The following MYO18A variants were observed in gnomAD, a reference collection of about 807,000 sequenced individuals.
MYO18A encodes the protein unconventional myosin-XVIIIa.
Under a neutral mutation model 235.8 loss-of-function variants are expected in MYO18A, and 78 were observed. That is an observed-to-expected ratio of 0.33 (90% CI 0.28 to 0.40). The LOEUF (loss-of-function observed/expected upper bound fraction) is 0.40. Ranked by LOEUF, MYO18A falls within the 10% of genes least tolerant of loss-of-function variation. The probability of loss-of-function intolerance (pLI) is 1.00; values close to 1 mark genes in which losing one functional copy is unlikely to be tolerated. For missense variants in MYO18A, 2,215 were observed against 2,699.3 expected (o/e 0.82, Z 3.98); for synonymous variants, 977 against 1,077.8 (o/e 0.91, Z 1.83).
intron 2 of MYO18A, among the ~76,000 whole-genome samples, chr17:29,136,250 A>AAAAAAAAAAAAATATAT (rs1483354837): frequency 1.2e-5 from 1 of 82,472 alleles, no homozygotes; most frequent in African/African-American, 4.6e-5. Flanking sequence ...AAAAAAAAAA[A>AAAAAAAAAAAAATATAT]ATATATATAT....
Position 29,111,670 on chromosome 17 carries a change from C to G in MYO18A, c.2740+52G>C. ...CCTCCCAGGGAGTGCCACCTGGACC[C>G]ACCTGTATGTAAGAGGAAGCAGAGG... On this transcript the variant is annotated intron_variant, in intron 16 of 41. Coordinates refer to ENST00000527372, the MANE Select transcript of MYO18A (RefSeq NM_078471.4). The surrounding 1 kb of genome is among the most constrained non-coding windows in gnomAD (Gnocchi z 5.1). The G allele has an allele frequency of 6.2e-7, 1 of 1,612,246 alleles. No homozygotes were observed. The highest frequency in any genetic ancestry group is 2.2e-5 in the East Asian group (1 of 44,838).
rs929675510 is a variant in MYO18A, at chr17:29,144,934, GGTATA to G, written c.999+21003_999+21007del. Among the ~76,000 whole-genome samples the G allele has an allele frequency of 5.3e-5, 8 of 152,202 alleles. No individual in the cohort carries two copies. In the East Asian group the frequency reaches 9.6e-4, roughly 18 times the overall value. ...ACACATGATTTTGAGTATGCCATTT[GGTATA>G]ATATAGCTGCAGGAAAGCATAATAG... is the stretch of plus-strand genomic sequence containing the variant. On this transcript the variant is annotated intron_variant, in intron 2 of 41. Coordinates refer to ENST00000527372, the MANE Select transcript of MYO18A (RefSeq NM_078471.4).
Position 29,118,980 on chromosome 17 carries a change from G to A in MYO18A, c.1829+355C>T, listed in dbSNP as rs1218957654. The stretch of plus-strand genomic sequence containing the variant: ...TCAGCCCCCTACCAGTCATGCGACA[G>A]TAGGCAAGTCCCCAACCACTGGTAC... On this transcript the variant is annotated intron_variant, in intron 8 of 41. Transcript: ENST00000527372. This position sits in a 1 kb window ranked among gnomAD's most constrained non-coding sequence, Gnocchi z 4.2. 6.6e-6 allele frequency among the ~76,000 whole-genome samples: 1 copy of A among 152,212 alleles called. No homozygotes were observed. Among genetic ancestry groups the A allele is most frequent in the Non-Finnish European group, 1.5e-5 (1 of 68,032 alleles).
intron 21 of MYO18A, among the ~76,000 whole-genome samples, chr17:29,100,394 C>A (rs1019763510): frequency 7.2e-5 from 11 of 152,232 alleles, no homozygotes; most frequent in Admixed American, 7.2e-4. Flanking sequence ...TGCCACCCCC[C>A]AACACACACC....
chr17:29,098,234 G>C lies in MYO18A; in HGVS notation c.3871-10C>G, dbSNP rs868050861. On this transcript the variant is annotated splice_polypyrimidine_tract_variant and intron_variant, in intron 24 of 41. Transcript: ENST00000527372. ...ATGTCAGCTCTGAGATCTGGGGTTG[G>C]GGGTAGGGAGTCACCACCAGTTGAA... 4 of 1,613,852 alleles carry C rather than the reference G, an allele frequency of 2.5e-6. No individual in the cohort carries two copies. The East Asian group carries it at 6.7e-5, about 27-fold the overall frequency.
chr17:29,074,611 C>A lies in MYO18A; in HGVS notation c.*159G>T, dbSNP rs946243486. The A allele has an allele frequency of 1.2e-5, 9 of 746,654 alleles. 1 individual carries two copies. The Admixed American group carries it at 2.4e-4, about 20-fold the overall frequency. The allele number at this position is 746,654 out of a possible 1,614,324, so 46.3% of individuals were successfully genotyped here. A position where few individuals can be genotyped will look rare whatever the true frequency, so the allele number is the denominator to read the frequency against. On this transcript the variant is annotated 3_prime_UTR_variant, in exon 42 of 42. Transcript: ENST00000527372. The surrounding 1 kb of genome is among the most constrained non-coding windows in gnomAD (Gnocchi z 4.4). ...CTCTTCCACGTGGAGACATCAGACA[C>A]CCATAGCCTGGAAAGTGCCCCTGAC...
In MYO18A at chr17:29,158,291, T is replaced by C. The variant is rs775347203; in HGVS notation, c.999+7651A>G. Among the ~76,000 whole-genome samples, 2 of 152,142 alleles carry C rather than the reference T, an allele frequency of 1.3e-5. No individual in the cohort carries two copies. Among genetic ancestry groups the C allele is most frequent in the Non-Finnish European group, 2.9e-5 (2 of 68,034 alleles). On this transcript the variant is annotated intron_variant, in intron 2 of 41. Coordinates refer to ENST00000527372, the MANE Select transcript of MYO18A (RefSeq NM_078471.4). This position sits in a 1 kb window ranked among gnomAD's most constrained non-coding sequence, Gnocchi z 4.3. ...CCATGCCCTGATTCTGGAGAACATATGGCGGGAGATTAAGGGAGCCCGAGG... is the reference window on the plus strand; with the variant it reads ...CCATGCCCTGATTCTGGAGAACATACGGCGGGAGATTAAGGGAGCCCGAGG...
chr17:29,099,505 C>G, intron 22 of MYO18A, 129 bp downstream of exon 22: 2 of 1,290,304 alleles, frequency 1.6e-6, no homozygotes, highest in East Asian at 5.0e-5. Flanking sequence ...GCTGCCTGTT[C>G]CCCACCCTGG....
chr17:29,106,205 T>A lies in MYO18A; in HGVS notation c.3441+875A>T, dbSNP rs2066781173. ...GATGAGGTACTGGTGTAGCCACAGG[T>A]GGGAGGCTGGAATGGAGGCTGAGGG... is the stretch of plus-strand genomic sequence containing the variant. On this transcript the variant is annotated intron_variant, in intron 20 of 41. Coordinates refer to ENST00000527372, the MANE Select transcript of MYO18A (RefSeq NM_078471.4). This position sits in a 1 kb window ranked among gnomAD's most constrained non-coding sequence, Gnocchi z 4.6. Among the ~76,000 whole-genome samples the A allele has an allele frequency of 6.6e-6, 1 of 151,636 alleles. No homozygotes were observed. The highest frequency in any genetic ancestry group is 2.1e-4 in the South Asian group (1 of 4,810).
At chr17:29,130,814 C>T (rs990313454) in intron 2 of MYO18A, among the ~76,000 whole-genome samples, 1 of 152,184 alleles carries the variant, frequency 6.6e-6, no homozygotes, top group African/African-American at 2.4e-5. Context: ...TATTCAGGGT[C>T]TCTATCCCAA....
chr17:29,154,538 C>T lies in MYO18A; in HGVS notation c.999+11404G>A, dbSNP rs116281157. ...TTGCTGGTCACCGATTCCAGGAAGACAGGCCACAGCAGTCCCCCCAGGCTT... is the reference window on the plus strand; with the variant it reads ...TTGCTGGTCACCGATTCCAGGAAGATAGGCCACAGCAGTCCCCCCAGGCTT... On this transcript the variant is annotated intron_variant, in intron 2 of 41. Coordinates refer to ENST00000527372, the MANE Select transcript of MYO18A (RefSeq NM_078471.4). Among the ~76,000 whole-genome samples, 611 of 152,328 alleles carry T rather than the reference C, an allele frequency of 4.0e-3. 3 individuals carry two copies. The highest frequency in any genetic ancestry group is 0.014 in the African/African-American group (573 of 41,568).
At chr17:29,174,397 C>T (rs112140227) in intron 1 of MYO18A, among the ~76,000 whole-genome samples, 2,530 of 152,168 alleles carry the variant, frequency 0.017, 38 homozygotes, top group South Asian at 0.043. Flanking sequence ...ATACCAGCTA[C>T]TTGGGAGGCT....
chr17:29,096,436 G>A (rs759588228), intron 28 of MYO18A, among the ~76,000 whole-genome samples: 12 of 152,198 alleles, frequency 7.9e-5, no homozygotes, highest in South Asian at 2.1e-4. Flanking sequence ...GCAGAGCTGG[G>A]GGCTGAGGGC....
At chr17:29,143,930 C>T (rs930814604) in intron 2 of MYO18A, among the ~76,000 whole-genome samples, 1 of 152,230 alleles carries the variant, frequency 6.6e-6, no homozygotes, top group Non-Finnish European at 1.5e-5. Flanking sequence ...CCCTCTTAGG[C>T]ACCACCATGC....
chr17:29,084,152 C>A (rs2066192359), intron 40 of MYO18A, among the ~76,000 whole-genome samples: 1 of 152,212 alleles, frequency 6.6e-6, no homozygotes, highest in African/African-American at 2.4e-5. Context: ...AGCTGCACGT[C>A]CCCATGCGTC....
Position 29,107,071 on chromosome 17 carries a change from T to A in MYO18A, c.3441+9A>T. ...GCAGAGGGAGAGCGGTCTGGGGACC[T>A]GGACCTACCCGCCTTTCATCCACCA... is the stretch of plus-strand genomic sequence containing the variant. On this transcript the variant is annotated intron_variant, in intron 20 of 41. Coordinates refer to ENST00000527372, the MANE Select transcript of MYO18A (RefSeq NM_078471.4). 1 of 1,613,524 alleles carries A rather than the reference T, an allele frequency of 6.2e-7. No individual in the cohort carries two copies. Among genetic ancestry groups the A allele is most frequent in the Non-Finnish European group, 8.5e-7 (1 of 1,179,462 alleles).
chr17:29,162,485 G>A (rs7211011), intron 2 of MYO18A, among the ~76,000 whole-genome samples: 11 of 151,982 alleles, frequency 7.2e-5, no homozygotes, highest in African/African-American at 2.4e-4. Flanking sequence ...TCTTGCCTCC[G>A]CTTCACTCAT....
intron 2 of MYO18A, among the ~76,000 whole-genome samples, chr17:29,135,567 G>A (rs1411022599): frequency 6.6e-6 from 1 of 152,110 alleles, no homozygotes; most frequent in Non-Finnish European, 1.5e-5. Context: ...ATTTTAACTC[G>A]TTTGATCTTT....
At chr17:29,085,516 G>T in intron 40 of MYO18A, 88 bp downstream of exon 40, 1 of 1,197,560 alleles carries the variant, frequency 8.4e-7, no homozygotes, top group African/African-American at 1.5e-5. Context: ...CACATGCTGC[G>T]TGCAGCGGCC....
Sources: allele counts gnomAD v4.1 joint callset (sites outside exome capture counted in the v4.1 genomes callset), GRCh38; gene constraint gnomAD v4.1.1; non-coding constraint Gnocchi (gnomAD v3.1); transcripts MANE v1.5; gene names NCBI Gene and HGNC (gene_info 2026-07-23, HGNC 2026-07-21).